The following PKIB variants were observed in gnomAD, a reference collection of about 807,000 sequenced individuals.
PKIB encodes cAMP-dependent protein kinase inhibitor beta.
PKIB carries 2 observed loss-of-function variants against 4.5 expected under a neutral mutation model. The observed-to-expected ratio is 0.44, with a 90% CI of 0.18 to 1.39. The LOEUF is 1.39. PKIB is among the 40% of genes most tolerant of loss of function. The pLI, the probability that PKIB is intolerant of heterozygous loss-of-function variation, is 0.27. For synonymous variants in PKIB, 38 were observed against 36.0 expected (o/e 1.06, Z -0.20); for missense variants, 94 against 92.6 (o/e 1.02, Z -0.06).
At chr6:122,704,849 G>T (rs1778992730) in intron 3 of PKIB, among the ~76,000 whole-genome samples, 1 of 152,110 alleles carries the variant, frequency 6.6e-6, no homozygotes, top group Admixed American at 6.6e-5. Flanking sequence ...GCCAAGGAGG[G>T]AGGATCACTT....
chr6:122,687,338 A>C (rs903030097), intron 3 of PKIB, among the ~76,000 whole-genome samples: 2 of 152,078 alleles, frequency 1.3e-5, no homozygotes, highest in African/African-American at 4.8e-5. Context: ...GTCTGTTTTT[A>C]TGCTAGTAGC....
At chr6:122,538,465 G>C (rs1449020674) in intron 2 of PKIB, among the ~76,000 whole-genome samples, 1 of 152,128 alleles carries the variant, frequency 6.6e-6, no homozygotes, top group Middle Eastern at 3.4e-3. Context: ...TTTTTGTCAG[G>C]TTTGTCAAAG....
At chr6:122,547,416 A>T (rs769573126) in intron 2 of PKIB, among the ~76,000 whole-genome samples, 2 of 151,262 alleles carry the variant, frequency 1.3e-5, no homozygotes, top group Non-Finnish European at 2.9e-5. Flanking sequence ...GCTCACTGCA[A>T]CCTCCGCCTC....
intron 2 of PKIB, among the ~76,000 whole-genome samples, chr6:122,537,394 C>T (rs1777440132): frequency 6.6e-6 from 1 of 151,982 alleles, no homozygotes; most frequent in East Asian, 1.9e-4. Flanking sequence ...TCAATTCCCA[C>T]CTATGAGTGA....
At chr6:122,525,142 T>C (rs894567809) in intron 2 of PKIB, among the ~76,000 whole-genome samples, 1 of 152,100 alleles carries the variant, frequency 6.6e-6, no homozygotes, top group African/African-American at 2.4e-5. Flanking sequence ...TTTTGGTATG[T>C]TGTATTTTTA....
At chr6:122,496,185 C>T (rs1776072369) in intron 2 of PKIB, among the ~76,000 whole-genome samples, 1 of 152,166 alleles carries the variant, frequency 6.6e-6, no homozygotes, top group South Asian at 2.1e-4. Flanking sequence ...GTCTACTGGC[C>T]TGTAGGTCAA....
chr6:122,630,066 TAAGAACTTTCTGTACTATCTTCA>T (rs1037312306), intron 1 of PKIB, among the ~76,000 whole-genome samples: 12 of 152,124 alleles, frequency 7.9e-5, no homozygotes, highest in African/African-American at 2.9e-4. Flanking sequence ...TGGAACAGTA[TAAGAACTTTCTGTACTATCTTCA>T]AATTTTTTTT....
intron 2 of PKIB, among the ~76,000 whole-genome samples, chr6:122,521,060 T>G (rs947069836): frequency 6.6e-6 from 1 of 152,320 alleles, no homozygotes; most frequent in Non-Finnish European, 1.5e-5. Flanking sequence ...GGCATTTTCG[T>G]GGAGAAGAAT....
intron 2 of PKIB, among the ~76,000 whole-genome samples, chr6:122,648,851 A>C (rs576640246): frequency 6.6e-6 from 1 of 152,288 alleles, no homozygotes; most frequent in South Asian, 2.1e-4. Flanking sequence ...TGCTGCTGGC[A>C]GATTGGCCAC....
At chr6:122,571,414 A>T (rs1773363620) in intron 2 of PKIB, among the ~76,000 whole-genome samples, 1 of 152,228 alleles carries the variant, frequency 6.6e-6, no homozygotes, top group South Asian at 2.1e-4. Flanking sequence ...GGGAAATTCC[A>T]TTGCAAAAAG....
At chr6:122,600,038 T>G (rs75083052) in intron 3 of PKIB, among the ~76,000 whole-genome samples, 11,598 of 149,096 alleles carry the variant, frequency 0.078, 608 homozygotes, top group East Asian at 0.21. Context: ...TATAGCTATA[T>G]CTATCTATAC....
intron 2 of PKIB, among the ~76,000 whole-genome samples, chr6:122,513,031 C>T (rs1776635280): frequency 6.6e-6 from 1 of 152,158 alleles, no homozygotes; most frequent in Non-Finnish European, 1.5e-5. Context: ...GTCTCACAGA[C>T]ACTTTAACCA....
intron 2 of PKIB, among the ~76,000 whole-genome samples, chr6:122,571,015 G>T (rs1582705178): frequency 6.6e-6 from 1 of 151,386 alleles, no homozygotes; most frequent in East Asian, 1.9e-4. Context: ...TTCAGGATAT[G>T]AATGAAAAAA....
intron 2 of PKIB, among the ~76,000 whole-genome samples, chr6:122,651,488 G>A (rs1309116378): frequency 2.0e-5 from 3 of 152,142 alleles, no homozygotes; most frequent in Admixed American, 1.3e-4. Context: ...TTTAGGCAAC[G>A]CAGAGTTAAC....
chr6:122,505,168 T>C (rs940378345), intron 2 of PKIB, among the ~76,000 whole-genome samples: 16 of 152,318 alleles, frequency 1.1e-4, no homozygotes, highest in African/African-American at 3.4e-4. Context: ...GGGAGTGGGC[T>C]TAACTAGGAG....
At chr6:122,714,052 G>A (rs944738545) in intron 3 of PKIB, among the ~76,000 whole-genome samples, 9 of 152,148 alleles carry the variant, frequency 5.9e-5, no homozygotes, top group African/African-American at 2.2e-4. Context: ...GTTGTCTCCA[G>A]TGGTACAATA....
At chr6:122,484,375 A>G (rs1464708267) in intron 2 of PKIB, among the ~76,000 whole-genome samples, 1 of 152,232 alleles carries the variant, frequency 6.6e-6, no homozygotes, top group Non-Finnish European at 1.5e-5. Context: ...ATTTTGCCTT[A>G]GAAATCAGAG....
At chr6:122,717,438 G>A in intron 3 of PKIB, 1 of 319,952 alleles carries the variant, frequency 3.1e-6, no homozygotes, top group Non-Finnish European at 5.7e-6. Flanking sequence ...TACAGGAGTG[G>A]TCAAAAAAGT....
intron 2 of PKIB, among the ~76,000 whole-genome samples, chr6:122,554,416 G>A (rs964148193): frequency 2.0e-5 from 3 of 152,026 alleles, no homozygotes; most frequent in Non-Finnish European, 4.4e-5. Flanking sequence ...TAAATCCTAG[G>A]GCACAGAGAT....
Sources: gnomAD v4.1 joint callset for allele counts (sites outside exome capture counted in the v4.1 genomes callset) on GRCh38, gnomAD v4.1.1 for gene constraint, MANE v1.5 for transcripts, NCBI Gene and HGNC (gene_info 2026-07-23, HGNC 2026-07-21) for gene names.